HTR2C: variants seen among roughly 807,000 people sequenced by gnomAD.
HTR2C encodes 5-hydroxytryptamine (serotonin) receptor 2C, G protein-coupled.
A neutral mutation model predicts 21.0 loss-of-function variants in HTR2C; 5 were observed. The ratio of observed to expected loss-of-function variants is 0.24; its 90% CI spans 0.12 to 0.50. The LOEUF is 0.50. Among genes scored for constraint, HTR2C ranks in the 20% least tolerant of loss-of-function variants. The pLI is 0.98. For missense variants in HTR2C, 271 were observed against 371.2 expected (o/e 0.73, Z 2.22); for synonymous variants, 150 against 145.3 (o/e 1.03, Z -0.23).
In HTR2C at chrX:114,657,268, AG is replaced by A. The variant is rs1930816612; in HGVS notation, c.-80+43388del. Among the ~76,000 whole-genome samples, 6 of 110,840 alleles carry A rather than the reference AG, an allele frequency of 5.4e-5. No homozygotes were observed. In the Admixed American group the frequency reaches 5.8e-4, roughly 11 times the overall value. Reference sequence around the variant, plus strand: ...ATGGAACAAGAAAAAATTGTCTCCCAGCAAATATTTAGACATGTGACATTTT... The same window carrying A: ...ATGGAACAAGAAAAAATTGTCTCCCACAAATATTTAGACATGTGACATTTT... On this transcript the variant is annotated intron_variant, in intron 2 of 5. Coordinates refer to ENST00000276198, the MANE Select transcript of HTR2C (RefSeq NM_000868.4).
intron 4 of HTR2C, among the ~76,000 whole-genome samples, chrX:114,788,514 G>A (rs1476303872): frequency 1.8e-5 from 2 of 110,287 alleles, no homozygotes; most frequent in Non-Finnish European, 3.8e-5. Context: ...CACCTGCCTC[G>A]GCCTCCCAAA....
chrX:114,893,005 C>T (rs1199322609), intron 5 of HTR2C, among the ~76,000 whole-genome samples: 9 of 108,804 alleles, frequency 8.3e-5, no homozygotes, highest in African/African-American at 2.7e-4. Context: ...TTCCGACTCC[C>T]GGGTTCCAGC....
chrX:114,841,764 G>A (rs2070836826), intron 4 of HTR2C, among the ~76,000 whole-genome samples: 1 of 110,495 alleles, frequency 9.1e-6, no homozygotes, highest in African/African-American at 3.3e-5. Context: ...AATTTTACTT[G>A]AAATGTTCTG....
intron 2 of HTR2C, among the ~76,000 whole-genome samples, chrX:114,691,568 G>T (rs1932109405): frequency 9.0e-6 from 1 of 111,349 alleles, no homozygotes; most frequent in Admixed American, 9.6e-5. Flanking sequence ...TTAATTCTGT[G>T]TATATTCTCT....
chrX:114,613,443 G>A (rs782079799), intron 1 of HTR2C, among the ~76,000 whole-genome samples: 2 of 110,738 alleles, frequency 1.8e-5, no homozygotes, highest in Non-Finnish European at 3.8e-5. Context: ...GGTTTTAGCT[G>A]GGTTCTGTAC....
chrX:114,745,506 G>A (rs1195867607), intron 4 of HTR2C, among the ~76,000 whole-genome samples: 3 of 112,072 alleles, frequency 2.7e-5, no homozygotes, highest in African/African-American at 9.7e-5. Flanking sequence ...GTACTCCCAT[G>A]TTTGCTGCAG....
At chrX:114,694,434 A>T (rs868959167) in intron 2 of HTR2C, among the ~76,000 whole-genome samples, 3 of 91,950 alleles carry the variant, frequency 3.3e-5, no homozygotes, top group African/African-American at 4.4e-5. Flanking sequence ...TCCTCAACTA[A>T]ATATATATAT....
chrX:114,873,211 T>C (rs1209463221), intron 5 of HTR2C, among the ~76,000 whole-genome samples: 4 of 111,985 alleles, frequency 3.6e-5, no homozygotes, highest in Admixed American at 2.8e-4. Flanking sequence ...TTCTATACAA[T>C]GTGACTATTG....
intron 4 of HTR2C, among the ~76,000 whole-genome samples, chrX:114,781,806 C>G (rs1421146518): frequency 3.4e-5 from 2 of 58,320 alleles, no homozygotes; most frequent in African/African-American, 1.2e-4. Context: ...CCAGTCAACC[C>G]CGCCGTCTAA....
At chrX:114,789,361 G>A (rs1233626631) in intron 4 of HTR2C, among the ~76,000 whole-genome samples, 2 of 111,487 alleles carry the variant, frequency 1.8e-5, no homozygotes, top group Non-Finnish European at 3.8e-5. Context: ...GAATATCCTC[G>A]TGCTTCTCAC....
chrX:114,608,470 G>C (rs1928571180), intron 1 of HTR2C, among the ~76,000 whole-genome samples: 1 of 111,118 alleles, frequency 9.0e-6, no homozygotes, highest in Non-Finnish European at 1.9e-5. Flanking sequence ...CTGTAGATTT[G>C]CTTATTCTGA....
At chrX:114,861,985 AT>A (rs1556473089) in intron 5 of HTR2C, among the ~76,000 whole-genome samples, 1 of 110,643 alleles carries the variant, frequency 9.0e-6, no homozygotes, top group African/African-American at 3.3e-5. Context: ...TTTTAATTCG[AT>A]TTAATCCCAT....
chrX:114,688,751 G>A (rs967297813), intron 2 of HTR2C, among the ~76,000 whole-genome samples: 3 of 111,790 alleles, frequency 2.7e-5, no homozygotes, highest in Non-Finnish European at 5.6e-5. Flanking sequence ...AACAGAGTTA[G>A]TACAATTTGG....
At chrX:114,644,940 G>A (rs1556407263) in intron 2 of HTR2C, among the ~76,000 whole-genome samples, 1 of 110,566 alleles carries the variant, frequency 9.0e-6, no homozygotes, top group South Asian at 3.9e-4. Context: ...CAGAGAATGA[G>A]GGCTCAAAAA....
At chrX:114,778,859 C>T (rs2070086559) in intron 4 of HTR2C, among the ~76,000 whole-genome samples, 1 of 111,347 alleles carries the variant, frequency 9.0e-6, no homozygotes, top group Non-Finnish European at 1.9e-5. Context: ...TCCAAGTCAG[C>T]AATAGAAAAC....
intron 2 of HTR2C, among the ~76,000 whole-genome samples, chrX:114,617,868 ATATAT>A (rs1184066233): frequency 1.8e-5 from 2 of 111,957 alleles, no homozygotes; most frequent in Non-Finnish European, 3.8e-5. Context: ...ACATTCAATA[ATATAT>A]TCAATAATTA....
intron 2 of HTR2C, among the ~76,000 whole-genome samples, chrX:114,615,196 C>T (rs1556399814): frequency 9.0e-6 from 1 of 111,584 alleles, no homozygotes; most frequent in Admixed American, 9.6e-5. Context: ...AGTGATTTGA[C>T]ATCAAGACAG....
At chrX:114,638,726 C>T (rs1488992192) in intron 2 of HTR2C, among the ~76,000 whole-genome samples, 1 of 87,470 alleles carries the variant, frequency 1.1e-5, no homozygotes, top group Non-Finnish European at 2.2e-5. Flanking sequence ...CTTCCTGTGT[C>T]CATGTGTTCT....
intron 4 of HTR2C, among the ~76,000 whole-genome samples, chrX:114,838,607 TTGAA>T (rs2070807685): frequency 1.8e-5 from 2 of 111,824 alleles, no homozygotes; most frequent in South Asian, 3.7e-4. Context: ...CATGTAACAT[TTGAA>T]TGAATGAACA....
Sources: gnomAD v4.1 joint callset for allele counts (sites outside exome capture counted in the v4.1 genomes callset) on GRCh38, gnomAD v4.1.1 for gene constraint, MANE v1.5 for transcripts, NCBI Gene and HGNC (gene_info 2026-07-23, HGNC 2026-07-21) for gene names.